LCP2: variants seen among roughly 807,000 people sequenced by gnomAD.
The protein encoded by LCP2 is 76 kDa tyrosine phosphoprotein.
LCP2 carries 29 observed loss-of-function variants against 74.5 expected under a neutral mutation model. The ratio of observed to expected loss-of-function variants is 0.39; its 90% CI spans 0.29 to 0.53. LCP2 has a LOEUF of 0.53. Ranked by LOEUF, LCP2 falls within the 20% of genes least tolerant of loss-of-function variation. LCP2 has a pLI of 0.72. For synonymous variants in LCP2, 228 were observed against 229.5 expected (o/e 0.99, Z 0.06); for missense variants, 604 against 634.6 (o/e 0.95, Z 0.52).
intron 2 of LCP2, among the ~76,000 whole-genome samples, chr5:170,291,751 C>T (rs1762299599): frequency 6.6e-6 from 1 of 152,202 alleles, no homozygotes; most frequent in South Asian, 2.1e-4. Context: ...CAGGGTGACC[C>T]AGGCAACAGG....
In LCP2 at chr5:170,260,926, G is replaced by T. The variant is rs1761638188; in HGVS notation, c.957+181C>A. On this transcript the variant is annotated intron_variant, in intron 14 of 20. Transcript: ENST00000046794. ...TGAGCTAAACAACACAGCATGATGG[G>T]CTCCAGACAATGACCAAGGCCCAAA... 6 of 598,076 alleles carry T rather than the reference G, an allele frequency of 1.0e-5. No homozygotes were observed. In the South Asian group the frequency reaches 1.2e-4, roughly 12 times the overall value. 37.0% of individuals were successfully genotyped at this position (598,076 alleles called of 1,614,324 possible).
intron 17 of LCP2, among the ~76,000 whole-genome samples, chr5:170,253,665 GT>G (rs1761495961): frequency 6.6e-6 from 1 of 152,180 alleles, no homozygotes; most frequent in African/African-American, 2.4e-5. Context: ...TGTTCTTAAT[GT>G]TTCCACAAAA....
At chr5:170,291,419 C>A (rs1388606902) in intron 2 of LCP2, among the ~76,000 whole-genome samples, 4 of 152,202 alleles carry the variant, frequency 2.6e-5, no homozygotes, top group Non-Finnish European at 4.4e-5. Context: ...TTACATCCCC[C>A]AGTTGCAGGG....
At chr5:170,249,506 G>A (rs548417865) in intron 20 of LCP2, among the ~76,000 whole-genome samples, 12 of 151,792 alleles carry the variant, frequency 7.9e-5, no homozygotes, top group African/African-American at 2.9e-4. Context: ...TTTGGTTTTG[G>A]TTTTGGTTTC....
intron 10 of LCP2, among the ~76,000 whole-genome samples, chr5:170,265,204 G>T (rs1194898916): frequency 6.6e-6 from 1 of 151,914 alleles, no homozygotes; most frequent in East Asian, 1.9e-4. Context: ...AGCCAGGATG[G>T]TCTCCATCTC....
intron 6 of LCP2, chr5:170,274,067 G>A (rs1761942820): frequency 1.2e-5 from 7 of 561,840 alleles, no homozygotes; most frequent in Non-Finnish European, 1.9e-5. Context: ...CATTGTCTGT[G>A]GCTGCTTTTG....
In LCP2 at chr5:170,264,437, G is replaced by T. The variant is rs1311498143; in HGVS notation, c.773-1445C>A. On this transcript the variant is annotated intron_variant, in intron 10 of 20. Transcript: ENST00000046794. Reference sequence around the variant, plus strand: ...CGAATGGTGATATTATCTCCCTGGAGTTGTATTTTCACAACGTGATTTATT... The same window carrying T: ...CGAATGGTGATATTATCTCCCTGGATTTGTATTTTCACAACGTGATTTATT... 2.0e-5 allele frequency among the ~76,000 whole-genome samples: 3 copies of T among 152,234 alleles called. No individual in the cohort carries two copies. In the East Asian group the frequency reaches 5.8e-4, roughly 29 times the overall value.
intron 8 of LCP2, among the ~76,000 whole-genome samples, chr5:170,268,071 G>A (rs1761801862): frequency 6.6e-6 from 1 of 152,122 alleles, no homozygotes; most frequent in Non-Finnish European, 1.5e-5. Context: ...TCTTTTTGCA[G>A]GAGAGAGGAA....
chr5:170,295,304 G>T (rs2113220867), intron 1 of LCP2, among the ~76,000 whole-genome samples: 1 of 152,370 alleles, frequency 6.6e-6, no homozygotes, highest in South Asian at 2.1e-4. Flanking sequence ...CCACCAGTCT[G>T]CATGGGTGTC....
intron 2 of LCP2, among the ~76,000 whole-genome samples, chr5:170,292,991 G>T (rs1367249224): frequency 1.3e-5 from 2 of 152,202 alleles, no homozygotes; most frequent in Non-Finnish European, 2.9e-5. Flanking sequence ...AGAGATTGGA[G>T]GTGAGAAGCT....
intron 3 of LCP2, among the ~76,000 whole-genome samples, chr5:170,282,597 A>C (rs1398503054): frequency 1.3e-5 from 2 of 152,192 alleles, no homozygotes; most frequent in Admixed American, 1.3e-4. Flanking sequence ...AGAAAGATAG[A>C]ATAGTTAAAA....
intron 19 of LCP2, chr5:170,251,844 G>T (rs1267176921): frequency 3.1e-6 from 1 of 318,842 alleles, no homozygotes; most frequent in Non-Finnish European, 6.5e-6. Flanking sequence ...TGATCTAAAT[G>T]TGCAACTACT....
chr5:170,272,495 C>A (rs892053199), intron 6 of LCP2, among the ~76,000 whole-genome samples: 1 of 150,388 alleles, frequency 6.6e-6, no homozygotes, highest in Admixed American at 6.6e-5. Context: ...TTAAGCCCAA[C>A]CAATCAGAAG....
intron 19 of LCP2, chr5:170,251,671 T>C (rs1225967749): frequency 8.8e-6 from 4 of 456,096 alleles, no homozygotes; most frequent in Admixed American, 7.0e-5. Context: ...TCAGAACATC[T>C]CTGCTAAACA....
Position 170,270,709 on chromosome 5 carries a change from G to C in LCP2, c.523+10C>G. 9 of 1,555,542 alleles carry C rather than the reference G, an allele frequency of 5.8e-6. No homozygotes were observed. Among genetic ancestry groups the C allele is most frequent in the Non-Finnish European group, 7.8e-6 (9 of 1,154,440 alleles). On this transcript the variant is annotated intron_variant, in intron 7 of 20. Transcript: ENST00000046794. ...TGCTCGGGCCAGAAAATCCGGAAAC[G>C]GGCCCTTACCGATGTACATGGAGTT...
Position 170,256,356 on chromosome 5 carries a change from C to T in LCP2, c.1150+170G>A, listed in dbSNP as rs965696878. On this transcript the variant is annotated intron_variant, in intron 17 of 20. Transcript: ENST00000046794. The surrounding 1 kb of genome is among the most constrained non-coding windows in gnomAD (Gnocchi z 4.5). The stretch of plus-strand genomic sequence containing the variant: ...TGTTGTGTTTTAGGTACTATCCTAT[C>T]ATTCCGACAGCCCTTGGCACACTGC... Among the ~76,000 whole-genome samples the T allele has an allele frequency of 6.6e-6, 1 of 152,120 alleles. No individual in the cohort carries two copies. The highest frequency in any genetic ancestry group is 1.9e-4 in the East Asian group (1 of 5,194).
chr5:170,266,354 T>A (rs1393204698), intron 10 of LCP2, among the ~76,000 whole-genome samples: 3 of 152,242 alleles, frequency 2.0e-5, no homozygotes, highest in Admixed American at 2.0e-4. Flanking sequence ...ATTAGGAGAC[T>A]GAGCTCTGAA....
Position 170,268,479 on chromosome 5 carries a change from C to G in LCP2, c.527G>C (p.Arg176Pro). 1 of 278,194 alleles carries G rather than the reference C, an allele frequency of 3.6e-6. No homozygotes were observed. Among genetic ancestry groups the G allele is most frequent in the East Asian group, 1.5e-4 (1 of 6,604 alleles). 17.2% of individuals were successfully genotyped at this position (278,194 alleles called of 1,614,324 possible). A position where few individuals can be genotyped will look rare whatever the true frequency, so the allele number is the denominator to read the frequency against. ...FPNSNSMYID[R>P]PPSGKTPQQP... ...CTGGGGGGTTTTCCCAGAGGGGGGC[C>G]GGTCTGTGGAAACACAAGGTTATTA... Residue 176 changes from arginine (R) to proline (P), a missense_variant, in exon 8 of 21, where the codon CGG (arginine) becomes CCG (proline). Coordinates refer to ENST00000046794, the MANE Select transcript of LCP2 (RefSeq NM_005565.5).
In LCP2 at chr5:170,269,688, C is replaced by T. The variant is rs552017988; in HGVS notation, c.523+1031G>A. ...TGCTTGTCTTCGTGCCTCTGTATCACGGTTTCACCAAGTAACCTCATGGCT... is the reference window on the plus strand; with the variant it reads ...TGCTTGTCTTCGTGCCTCTGTATCATGGTTTCACCAAGTAACCTCATGGCT... On this transcript the variant is annotated intron_variant, in intron 7 of 20. Coordinates refer to ENST00000046794, the MANE Select transcript of LCP2 (RefSeq NM_005565.5). Among the ~76,000 whole-genome samples, 20 of 152,380 alleles carry T rather than the reference C, an allele frequency of 1.3e-4. No individual in the cohort carries two copies. In the South Asian group the frequency reaches 2.7e-3, roughly 20 times the overall value.
Sources: allele counts gnomAD v4.1 joint callset (sites outside exome capture counted in the v4.1 genomes callset), GRCh38; gene constraint gnomAD v4.1.1; non-coding constraint Gnocchi (gnomAD v3.1); transcripts MANE v1.5; gene names NCBI Gene and HGNC (gene_info 2026-07-23, HGNC 2026-07-21).